Variants in ANO4 observed in about 807,000 individuals in gnomAD.
The protein encoded by ANO4 is anoctamin 4, also known as anoctamin-4.
A neutral mutation model predicts 141.9 loss-of-function variants in ANO4; 69 were observed. The observed-to-expected ratio is 0.49, with a 90% CI of 0.40 to 0.59. The LOEUF (loss-of-function observed/expected upper bound fraction) is 0.59. Ranked by LOEUF, ANO4 falls within the 20% of genes least tolerant of loss-of-function variation. The pLI is 0.00. For synonymous variants in ANO4, 350 were observed against 394.3 expected, an observed-to-expected ratio of 0.89 and a Z score of 1.33; for missense variants, 894 against 1,162.2, an observed-to-expected ratio of 0.77 and a Z score of 3.36.
chr12:100,779,598 T>C (rs1445366362), intron 3 of ANO4, among the ~76,000 whole-genome samples: 1 of 152,224 alleles, frequency 6.6e-6, no homozygotes, highest in Non-Finnish European at 1.5e-5. Flanking sequence ...CAGCCACTGT[T>C]GTAGGTGGCT....
chr12:100,845,784 G>C (rs1309380364), intron 1 of ANO4, among the ~76,000 whole-genome samples: 1 of 152,150 alleles, frequency 6.6e-6, no homozygotes, highest in Non-Finnish European at 1.5e-5. Context: ...TTTTTAGATA[G>C]CATATATAGC....
At chr12:101,116,260 G>A (rs966250750) in intron 24 of ANO4, among the ~76,000 whole-genome samples, 2 of 152,078 alleles carry the variant, frequency 1.3e-5, no homozygotes, top group Non-Finnish European at 2.9e-5. Flanking sequence ...GAGTTGGGGG[G>A]ATCATATGCA....
At chr12:101,090,003 A>G (rs989656150) in intron 17 of ANO4, among the ~76,000 whole-genome samples, 1 of 152,234 alleles carries the variant, frequency 6.6e-6, no homozygotes, top group African/African-American at 2.4e-5. Flanking sequence ...AAAAATGCTC[A>G]CCATCACTGG....
At chr12:101,096,513 C>T in intron 18 of ANO4, 23 bp from the exon 19 acceptor site, 1 of 1,579,198 alleles carries the variant, frequency 6.3e-7, no homozygotes, top group Non-Finnish European at 8.7e-7. Context: ...GCCTTTCAAA[C>T]TCTGCTCACC....
At chr12:100,984,189 C>CA (rs1566088971) in intron 7 of ANO4, among the ~76,000 whole-genome samples, 2 of 152,174 alleles carry the variant, frequency 1.3e-5, no homozygotes, top group Non-Finnish European at 2.9e-5. Flanking sequence ...CTCTACCTCC[C>CA]AGGTTCAAGT....
chr12:100,777,869 C>T (rs1388372740), intron 3 of ANO4, among the ~76,000 whole-genome samples: 1 of 151,856 alleles, frequency 6.6e-6, no homozygotes, highest in Non-Finnish European at 1.5e-5. Context: ...GAGTCTCTCA[C>T]AAGCTAAATG....
chr12:101,049,573 G>T (rs2047775884), intron 14 of ANO4, among the ~76,000 whole-genome samples: 1 of 151,428 alleles, frequency 6.6e-6, no homozygotes, highest in East Asian at 1.9e-4. Context: ...ATGGATGGAT[G>T]GATGGATGGA....
intron 14 of ANO4, among the ~76,000 whole-genome samples, chr12:101,052,770 T>C (rs891483395): frequency 2.1e-4 from 32 of 152,232 alleles, no homozygotes; most frequent in Non-Finnish European, 7.3e-5. Flanking sequence ...TTGAAAAAGG[T>C]ACACATTTAC....
intron 17 of ANO4, 79 bp downstream of exon 17, chr12:101,086,903 G>A: frequency 6.6e-7 from 1 of 1,518,514 alleles, no homozygotes; most frequent in Non-Finnish European, 9.0e-7. Context: ...TTGCTAAGGG[G>A]ATCTGGCCTC....
intron 3 of ANO4, among the ~76,000 whole-genome samples, chr12:100,758,673 G>A (rs565451458): frequency 2.6e-5 from 4 of 152,226 alleles, no homozygotes; most frequent in Non-Finnish European, 2.9e-5. Context: ...TCTTAGGACC[G>A]CCACAACAGA....
At chr12:100,774,600 T>C (rs2033418623) in intron 3 of ANO4, among the ~76,000 whole-genome samples, 1 of 152,232 alleles carries the variant, frequency 6.6e-6, no homozygotes, top group Non-Finnish European at 1.5e-5. Flanking sequence ...CATTCTTTAG[T>C]TGACATTTGG....
chr12:101,066,267 T>C (rs2048580990), intron 14 of ANO4, among the ~76,000 whole-genome samples: 1 of 152,112 alleles, frequency 6.6e-6, no homozygotes, highest in African/African-American at 2.4e-5. Context: ...GCTAAAGCAA[T>C]CAAATATGAG....
chr12:100,791,801 C>A (rs1383915168), upstream of ANO4, among the ~76,000 whole-genome samples: 1 of 152,130 alleles, frequency 6.6e-6, no homozygotes, highest in Non-Finnish European at 1.5e-5. Context: ...CCCAGGTGCC[C>A]CAGTGTACAT....
intron 7 of ANO4, among the ~76,000 whole-genome samples, chr12:100,979,737 T>A (rs2044364791): frequency 6.6e-6 from 1 of 151,928 alleles, no homozygotes; most frequent in African/African-American, 2.4e-5. Flanking sequence ...TTTATTTATT[T>A]TTTTTTTTGA....
At chr12:100,763,702 C>T (rs535288918) in intron 3 of ANO4, among the ~76,000 whole-genome samples, 2 of 152,306 alleles carry the variant, frequency 1.3e-5, no homozygotes, top group South Asian at 2.1e-4. Flanking sequence ...TGTTTTATTT[C>T]GGGTCATGTG....
At chr12:101,119,886 A>G (rs943812129) in intron 25 of ANO4, among the ~76,000 whole-genome samples, 4 of 152,162 alleles carry the variant, frequency 2.6e-5, no homozygotes, top group African/African-American at 4.8e-5. Context: ...CTGGTCCCCA[A>G]CAGGTATTCG....
chr12:100,806,523 C>CT lies in ANO4; in HGVS notation c.-141+11496_-141+11497insT, dbSNP rs1593379234. Among the ~76,000 whole-genome samples the CT allele has an allele frequency of 8.0e-3, 359 of 44,966 alleles. 102 individuals are homozygous for CT. Among genetic ancestry groups the CT allele is most frequent in the Non-Finnish European group, 0.011 (238 of 22,616 alleles). 29.5% of individuals were successfully genotyped at this position (44,966 alleles called of 152,430 possible). A position where few individuals can be genotyped will look rare whatever the true frequency, so the allele number is the denominator to read the frequency against. On this transcript the variant is annotated intron_variant, in intron 1 of 27. Transcript: ENST00000392977. Reference sequence around the variant, plus strand: ...TTTTTAGGAGGTTTTTTTTTTGTTTCGTTTTTTTTTTTTTTTTTTTTTTTT... The same window carrying CT: ...TTTTTAGGAGGTTTTTTTTTTGTTTCTGTTTTTTTTTTTTTTTTTTTTTTTT...
chr12:100,861,722 TA>T lies in ANO4; in HGVS notation c.-140-39918del, dbSNP rs576874461. On this transcript the variant is annotated intron_variant, in intron 1 of 27. Coordinates refer to ENST00000392977, the MANE Select transcript of ANO4 (RefSeq NM_001286615.2). ...ACTCTTTTTGCTGTATAAACTTATT[TA>T]AAAAATGTTTTTGACTCTTTTGTAA... is the stretch of plus-strand genomic sequence containing the variant. Among the ~76,000 whole-genome samples the T allele has an allele frequency of 1.4e-4, 22 of 152,352 alleles. 1 individual carries two copies. The South Asian group carries it at 3.1e-3, about 22-fold the overall frequency.
intron 1 of ANO4, among the ~76,000 whole-genome samples, chr12:100,723,370 C>T (rs2030954868): frequency 6.6e-6 from 1 of 152,112 alleles, no homozygotes; most frequent in South Asian, 2.1e-4. Context: ...TGGTGAGGGC[C>T]TGTTTCCTGG....
Sources: allele counts gnomAD v4.1 joint callset (sites outside exome capture counted in the v4.1 genomes callset), GRCh38; gene constraint gnomAD v4.1.1; transcripts MANE v1.5; gene names NCBI Gene and HGNC (gene_info 2026-07-23, HGNC 2026-07-21).